GOLGB1: variants seen among roughly 807,000 people sequenced by gnomAD.
GOLGB1 encodes the protein golgin subfamily B member 1.
In GOLGB1, 174 loss-of-function variants were observed where a neutral mutation model predicts 336.9. The observed-to-expected ratio is 0.52, with a 90% CI of 0.46 to 0.59. The LOEUF (loss-of-function observed/expected upper bound fraction) is 0.59, where lower values mean the gene tolerates loss of function less well. Ranked by LOEUF, GOLGB1 falls within the 20% of genes least tolerant of loss-of-function variation. The probability of loss-of-function intolerance (pLI) is 0.00; values close to 1 mark genes in which losing one functional copy is unlikely to be tolerated. For synonymous variants in GOLGB1, 1,208 were observed against 1,289.2 expected (o/e 0.94, Z 1.35); for missense variants, 3,331 against 3,645.3 (o/e 0.91, Z 2.22).
In GOLGB1 at chr3:121,681,673, A is replaced by G; in HGVS notation, c.8873+14T>C. 1.3e-6 allele frequency: 2 copies of G among 1,528,818 alleles called. No individual in the cohort carries two copies. Among genetic ancestry groups the G allele is most frequent in the East Asian group, 2.3e-5 (1 of 44,412 alleles). The allele number at this position is 1,528,818 out of a possible 1,614,324, so 94.7% of individuals were successfully genotyped here. ...AAATGAAAAGAGTTGAAAAGGAGGG[A>G]TTATATATAGTACCTGAGCTGATGC... is the stretch of plus-strand genomic sequence containing the variant. On this transcript the variant is annotated intron_variant, in intron 15 of 21. Coordinates refer to ENST00000614479, the MANE Select transcript of GOLGB1 (RefSeq NM_001366282.2).
In GOLGB1 at chr3:121,664,390, A is replaced by G. The variant is rs544304422; in HGVS notation, c.*90T>C. 20 of 1,152,428 alleles carry G rather than the reference A, an allele frequency of 1.7e-5. No homozygotes were observed. Among genetic ancestry groups the G allele is most frequent in the Admixed American group, 3.5e-5 (2 of 57,730 alleles). The allele number at this position is 1,152,428 out of a possible 1,614,324, so 71.4% of individuals were successfully genotyped here. ...GTTGGAGAGAAGACCTGTAAATGGGAAGACTGTTCCACTGGAATTGATGTT... is the reference window on the plus strand; with the variant it reads ...GTTGGAGAGAAGACCTGTAAATGGGGAGACTGTTCCACTGGAATTGATGTT... On this transcript the variant is annotated 3_prime_UTR_variant, in exon 22 of 22. Coordinates refer to ENST00000614479, the MANE Select transcript of GOLGB1 (RefSeq NM_001366282.2).
intron 1 of GOLGB1, among the ~76,000 whole-genome samples, chr3:121,733,211 T>A (rs1482891804): frequency 1.4e-5 from 2 of 146,444 alleles, no homozygotes; most frequent in East Asian, 2.0e-4. Flanking sequence ...TAGTCCCAGC[T>A]ACTCTGGAGG....
chr3:121,694,377 G>A lies in GOLGB1; in HGVS notation c.6146C>T (p.Ala2049Val). Residue 2049 changes from alanine (A) to valine (V), a missense_variant, in exon 13 of 22, where the codon GCT (alanine) becomes GTT (valine). By Grantham distance (64) the Ala-to-Val change is moderately conservative. Transcript: ENST00000614479. ...AGATTCAGTTTGAACAAATTCTAGAGCTTTAACAGTTCTCTCCAGAGCACT... is the reference window on the plus strand; with the variant it reads ...AGATTCAGTTTGAACAAATTCTAGAACTTTAACAGTTCTCTCCAGAGCACT... ...KISALERTVK[A>V]LEFVQTESQK... The A allele has an allele frequency of 6.2e-7, 1 of 1,613,298 alleles. No homozygotes were observed. The highest frequency in any genetic ancestry group is 8.5e-7 in the Non-Finnish European group (1 of 1,179,660).
At chr3:121,747,304 T>TGTATATATGTATATATATGTGTATATAC (rs1947392824) in intron 1 of GOLGB1, among the ~76,000 whole-genome samples, 6 of 142,876 alleles carry the variant, frequency 4.2e-5, no homozygotes, top group Non-Finnish European at 9.1e-5. Flanking sequence ...TGTGTATATA[T>TGTATATATGTATATATATGTGTATATAC]GTATATATGT....
At chr3:121,701,910 A>G (rs572617394) in intron 11 of GOLGB1, among the ~76,000 whole-genome samples, 3 of 152,264 alleles carry the variant, frequency 2.0e-5, no homozygotes, top group Non-Finnish European at 4.4e-5. Flanking sequence ...TGGAAGCACA[A>G]AAAAATCATT....
chr3:121,689,042 C>T (rs1235518213), intron 14 of GOLGB1, among the ~76,000 whole-genome samples: 1 of 150,810 alleles, frequency 6.6e-6, no homozygotes, highest in African/African-American at 2.5e-5. Context: ...GCCCAGCCAG[C>T]CGCCCCGTCC....
intron 9 of GOLGB1, among the ~76,000 whole-genome samples, chr3:121,715,487 G>A (rs567539775): frequency 3.3e-5 from 5 of 150,960 alleles, no homozygotes; most frequent in Middle Eastern, 3.5e-3. Context: ...CCAAAGTGCT[G>A]GAATAGCAGG....
intron 14 of GOLGB1, among the ~76,000 whole-genome samples, 179 bp from the exon 15 acceptor site, chr3:121,682,044 G>C (rs1256843646): frequency 6.6e-6 from 1 of 152,200 alleles, no homozygotes. Flanking sequence ...ATGCAGCTAG[G>C]CTGGTGGAAA....
chr3:121,743,021 G>T (rs562004253), intron 1 of GOLGB1, among the ~76,000 whole-genome samples: 77 of 152,314 alleles, frequency 5.1e-4, no homozygotes, highest in African/African-American at 1.8e-3. Flanking sequence ...ATTGGTGGTA[G>T]TGTAAATTAG....
Position 121,690,783 on chromosome 3 carries a change from G to C in GOLGB1, c.8581C>G (p.Arg2861Gly). 6.3e-7 allele frequency: 1 copy of C among 1,597,526 alleles called. No individual in the cohort carries two copies. The highest frequency in any genetic ancestry group is 1.1e-5 in the South Asian group (1 of 87,526). ...CTCTGCTTCCCTTCCTCTGACTTTC[G>C]AAATTTCTCCAGCTCATTCCACAGG... ...DHLWNELEKF[R>G]KSEEGKQRSA... The change falls in exon 14 of 22, where the codon CGA becomes GGA. Residue 2861 changes from arginine to glycine, a missense_variant. By Grantham distance (125) the Arg-to-Gly change is moderately radical (BLOSUM62 -2). Transcript: ENST00000614479.
Position 121,694,147 on chromosome 3 carries a change from C to T in GOLGB1, c.6376G>A (p.Glu2126Lys). 6.2e-7 allele frequency: 1 copy of T among 1,613,750 alleles called. No individual in the cohort carries two copies. Among genetic ancestry groups the T allele is most frequent in the Non-Finnish European group, 8.5e-7 (1 of 1,179,978 alleles). ...SVKSQMKQKD[E>K]DLERRLEQAE... is the part of the protein sequence containing the mutation. Reference sequence around the variant, plus strand: ...TGTTCCAGTCTTCGCTCAAGATCTTCATCCTTTTGTTTCATCTGGCTTTTA... The same window carrying T: ...TGTTCCAGTCTTCGCTCAAGATCTTTATCCTTTTGTTTCATCTGGCTTTTA... Residue 2126 changes from glutamate to lysine, a missense_variant, in exon 13 of 22, where the codon GAA becomes AAA. Glu to Lys is a moderately conservative substitution (Grantham distance 56, BLOSUM62 1). Coordinates refer to ENST00000614479, the MANE Select transcript of GOLGB1 (RefSeq NM_001366282.2).
At chr3:121,727,313 TATATATA>T (rs1171934537) in intron 4 of GOLGB1, among the ~76,000 whole-genome samples, 3 of 39,992 alleles carry the variant, frequency 7.5e-5, no homozygotes, top group South Asian at 7.3e-4. Flanking sequence ...TATATATATA[TATATATA>T]TTTTTTTTTT....
chr3:121,718,477 G>A lies in GOLGB1; in HGVS notation c.796C>T (p.Leu266Phe). ...QQKLRVLQRKLEEHEESLVGR... is the reference protein window; with the variant it reads ...QQKLRVLQRKFEEHEESLVGR... ...ACCAAGGATTCTTCGTGTTCCTCAA[G>A]CTTCCTTTGCAGCACCCTCAATTTC... Residue 266 changes from leucine to phenylalanine, a missense_variant, in exon 8 of 22, where the codon CTT becomes TTT. Leu to Phe is a conservative substitution (Grantham distance 22). Transcript: ENST00000614479. 1 of 1,613,400 alleles carries A rather than the reference G, an allele frequency of 6.2e-7. No homozygotes were observed. Among genetic ancestry groups the A allele is most frequent in the Non-Finnish European group, 8.5e-7 (1 of 1,179,368 alleles).
At chr3:121,685,450 G>A (rs1044572497) in intron 14 of GOLGB1, among the ~76,000 whole-genome samples, 7 of 151,994 alleles carry the variant, frequency 4.6e-5, no homozygotes, top group Non-Finnish European at 7.4e-5. Context: ...CAGAAGAATC[G>A]CTTGAACCCG....
chr3:121,670,765 G>T (rs1189861732), intron 17 of GOLGB1, among the ~76,000 whole-genome samples: 8 of 147,722 alleles, frequency 5.4e-5, no homozygotes, highest in Non-Finnish European at 9.0e-5. Context: ...TGGGGGGGGG[G>T]GTGTGGGAGG....
chr3:121,745,320 A>G (rs1037273423), intron 1 of GOLGB1, among the ~76,000 whole-genome samples: 2 of 147,386 alleles, frequency 1.4e-5, no homozygotes, highest in Non-Finnish European at 3.0e-5. Context: ...ACATATGTAC[A>G]CGTGTATGTA....
At chr3:121,724,656 C>G (rs1320039430) in intron 5 of GOLGB1, among the ~76,000 whole-genome samples, 1 of 152,104 alleles carries the variant, frequency 6.6e-6, no homozygotes, top group Non-Finnish European at 1.5e-5. Flanking sequence ...ACAGCCACCA[C>G]TTGCTAAAGA....
Position 121,718,431 on chromosome 3 carries a change from T to G in GOLGB1, c.842A>C (p.Asp281Ala). The G allele has an allele frequency of 2.5e-6, 4 of 1,613,960 alleles. No homozygotes were observed. In the South Asian group the frequency reaches 3.3e-5, roughly 13 times the overall value. Reference sequence around the variant, plus strand: ...AGCAGTCAGCTCCTGTTGCAGCAAGTCAACGACCTGAGCACGGCCCACCAA... The same window carrying G: ...AGCAGTCAGCTCCTGTTGCAGCAAGGCAACGACCTGAGCACGGCCCACCAA... ...ESLVGRAQVV[D>A]LLQQELTAAE... The change falls in exon 8 of 22, where the codon GAC (aspartate) becomes GCC (alanine). Residue 281 changes from aspartate (D) to alanine (A), a missense_variant. By Grantham distance (126) the Asp-to-Ala change is moderately radical (BLOSUM62 -2). Transcript: ENST00000614479.
chr3:121,715,204 CTTT>C (rs1391088214), intron 9 of GOLGB1, among the ~76,000 whole-genome samples: 1 of 133,574 alleles, frequency 7.5e-6, no homozygotes, highest in Non-Finnish European at 1.6e-5. Flanking sequence ...GGCCTAGGCA[CTTT>C]TTTTTTTTTT....
Sources: allele counts gnomAD v4.1 joint callset (sites outside exome capture counted in the v4.1 genomes callset), GRCh38; gene constraint gnomAD v4.1.1; transcripts MANE v1.5; gene names NCBI Gene and HGNC (gene_info 2026-07-23, HGNC 2026-07-21).